SSBP2: variants seen among roughly 807,000 people sequenced by gnomAD.
SSBP2 encodes the protein single-stranded DNA-binding protein 2.
SSBP2 carries 17 observed loss-of-function variants against 61.8 expected under a neutral mutation model. The observed-to-expected ratio is 0.28, with a 90% CI of 0.19 to 0.41. The LOEUF (loss-of-function observed/expected upper bound fraction) is 0.41. Among genes scored for constraint, SSBP2 ranks in the 10% least tolerant of loss-of-function variants. SSBP2 has a pLI of 1.00. For missense variants in SSBP2, 310 were observed against 458.7 expected (o/e 0.68, Z 2.96); for synonymous variants, 139 against 141.3 (o/e 0.98, Z 0.12).
intron 1 of SSBP2, among the ~76,000 whole-genome samples, chr5:81,700,397 C>A (rs975879464): frequency 6.6e-6 from 1 of 152,162 alleles, no homozygotes; most frequent in Non-Finnish European, 1.5e-5. Flanking sequence ...TACTGTCTTC[C>A]AGGCTTTGTT....
At chr5:81,740,322 G>T (rs1342601822) in intron 1 of SSBP2, among the ~76,000 whole-genome samples, 1 of 146,712 alleles carries the variant, frequency 6.8e-6, no homozygotes, top group African/African-American at 2.5e-5. Context: ...AAAAAAAAAA[G>T]AATGTACCAA....
intron 1 of SSBP2, among the ~76,000 whole-genome samples, chr5:81,723,083 G>A (rs1448065233): frequency 6.6e-6 from 1 of 151,874 alleles, no homozygotes; most frequent in Non-Finnish European, 1.5e-5. Context: ...GCTAATTAAA[G>A]AAGTTTTTGA....
chr5:81,502,453 A>G (rs1767870087), intron 5 of SSBP2, among the ~76,000 whole-genome samples: 1 of 152,054 alleles, frequency 6.6e-6, no homozygotes, highest in Non-Finnish European at 1.5e-5. Context: ...ATCTATGCTC[A>G]CTATCTTGTT....
chr5:81,565,578 G>A (rs904195100), intron 4 of SSBP2, among the ~76,000 whole-genome samples: 4 of 152,104 alleles, frequency 2.6e-5, no homozygotes, highest in African/African-American at 9.7e-5. Flanking sequence ...GTTTGTCTAT[G>A]TTCCCATGAC....
intron 10 of SSBP2, among the ~76,000 whole-genome samples, chr5:81,450,886 T>A (rs890645972): frequency 6.6e-6 from 1 of 152,224 alleles, no homozygotes; most frequent in African/African-American, 2.4e-5. Flanking sequence ...TGCACAGATT[T>A]CCTGGAGAGA....
intron 1 of SSBP2, among the ~76,000 whole-genome samples, chr5:81,724,528 G>A (rs1259501892): frequency 2.6e-5 from 4 of 151,934 alleles, no homozygotes; most frequent in Non-Finnish European, 4.4e-5. Context: ...GAAATAATTC[G>A]TACATAGTAA....
intron 10 of SSBP2, among the ~76,000 whole-genome samples, chr5:81,458,038 A>G (rs1764284178): frequency 6.6e-6 from 1 of 152,192 alleles, no homozygotes; most frequent in African/African-American, 2.4e-5. Flanking sequence ...AAATAGATAA[A>G]ACCAAATTAT....
At chr5:81,445,906 CTG>C (rs943745667) in intron 12 of SSBP2, among the ~76,000 whole-genome samples, 26 of 152,214 alleles carry the variant, frequency 1.7e-4, no homozygotes, top group African/African-American at 6.3e-4. Flanking sequence ...TCAAATGAAA[CTG>C]TGATTATATT....
chr5:81,738,204 C>T (rs948014362), intron 1 of SSBP2, among the ~76,000 whole-genome samples: 1 of 152,174 alleles, frequency 6.6e-6, no homozygotes, highest in Non-Finnish European at 1.5e-5. Context: ...TGGTAATGTT[C>T]TTTTTCTTGA....
chr5:81,577,841 AG>A (rs1437564685), intron 4 of SSBP2, among the ~76,000 whole-genome samples: 3 of 152,044 alleles, frequency 2.0e-5, no homozygotes, highest in African/African-American at 7.2e-5. Flanking sequence ...TATTGAAAAT[AG>A]TGGAAGCATT....
intron 1 of SSBP2, among the ~76,000 whole-genome samples, chr5:81,684,266 C>T (rs1752608849): frequency 6.6e-6 from 1 of 152,056 alleles, no homozygotes; most frequent in African/African-American, 2.4e-5. Flanking sequence ...TTATTCAACA[C>T]TAGAAAGAAA....
At chr5:81,614,170 C>G (rs1745753340) in intron 4 of SSBP2, among the ~76,000 whole-genome samples, 1 of 152,078 alleles carries the variant, frequency 6.6e-6, no homozygotes, top group South Asian at 2.1e-4. Context: ...ACCATCTTGG[C>G]TAACACGGTG....
intron 8 of SSBP2, among the ~76,000 whole-genome samples, chr5:81,473,224 C>G (rs1338536576): frequency 6.6e-6 from 1 of 152,142 alleles, no homozygotes; most frequent in African/African-American, 2.4e-5. Flanking sequence ...TGATTTTTCT[C>G]AGTGTTCAGT....
intron 4 of SSBP2, among the ~76,000 whole-genome samples, chr5:81,588,395 C>T (rs779682033): frequency 6.6e-6 from 1 of 152,110 alleles, no homozygotes; most frequent in Non-Finnish European, 1.5e-5. Flanking sequence ...AAAGTTACTA[C>T]TAAATTGTAG....
chr5:81,742,492 T>C (rs1361240268), intron 1 of SSBP2, among the ~76,000 whole-genome samples: 1 of 152,184 alleles, frequency 6.6e-6, no homozygotes, highest in Non-Finnish European at 1.5e-5. Flanking sequence ...GCAACCACTG[T>C]GCTAAGCAGT....
chr5:81,737,996 G>C (rs573304982), intron 1 of SSBP2, among the ~76,000 whole-genome samples: 3 of 151,806 alleles, frequency 2.0e-5, no homozygotes, highest in Non-Finnish European at 4.4e-5. Flanking sequence ...AATATTCCCC[G>C]AACTTCCATC....
chr5:81,672,961 T>C (rs1751698024), intron 1 of SSBP2, among the ~76,000 whole-genome samples: 1 of 151,640 alleles, frequency 6.6e-6, no homozygotes, highest in Non-Finnish European at 1.5e-5. Flanking sequence ...CTCAGCCTCC[T>C]GAGTAGCTGG....
At chr5:81,559,990 T>C (rs1772917916) in intron 4 of SSBP2, among the ~76,000 whole-genome samples, 2 of 152,214 alleles carry the variant, frequency 1.3e-5, no homozygotes, top group African/African-American at 4.8e-5. Context: ...ATTCAATTAT[T>C]TTGTGATTTC....
intron 1 of SSBP2, among the ~76,000 whole-genome samples, chr5:81,731,937 T>C (rs984959666): frequency 2.6e-5 from 4 of 152,000 alleles, no homozygotes; most frequent in Non-Finnish European, 4.4e-5. Flanking sequence ...CTTCTGCTGC[T>C]TCATCACTGC....
Sources: allele counts gnomAD v4.1 joint callset (sites outside exome capture counted in the v4.1 genomes callset), GRCh38; gene constraint gnomAD v4.1.1; transcripts MANE v1.5; gene names NCBI Gene and HGNC (gene_info 2026-07-23, HGNC 2026-07-21).